Variants in CSMD1 observed in about 807,000 individuals in gnomAD.
CSMD1 encodes the protein CUB and Sushi multiple domains 1.
A neutral mutation model predicts 417.5 loss-of-function variants in CSMD1; 213 were observed. The observed-to-expected ratio is 0.51, with a 90% CI of 0.46 to 0.57. CSMD1 has a LOEUF of 0.57. Ranked by LOEUF, CSMD1 falls within the 20% of genes least tolerant of loss-of-function variation. CSMD1 has a pLI of 0.00. For synonymous variants in CSMD1, 2,862 were observed against 1,736.8 expected (o/e 1.65, Z -16.11); for missense variants, 6,923 against 4,529.7 (o/e 1.53, Z -15.17).
chr8:3,833,313 A>G (rs901952452), intron 5 of CSMD1, among the ~76,000 whole-genome samples: 3 of 152,082 alleles, frequency 2.0e-5, no homozygotes, highest in African/African-American at 7.2e-5. Context: ...TCAGATTTCT[A>G]TTCGGAAAAC....
chr8:4,484,763 A>G (rs943660450), intron 2 of CSMD1, among the ~76,000 whole-genome samples: 25 of 152,030 alleles, frequency 1.6e-4, no homozygotes, highest in African/African-American at 5.5e-4. Context: ...AGGTCAGGAG[A>G]TCGAGACCAT....
chr8:4,055,357 A>C (rs1414886955), intron 3 of CSMD1, among the ~76,000 whole-genome samples: 2 of 152,226 alleles, frequency 1.3e-5, no homozygotes, highest in East Asian at 1.9e-4. Flanking sequence ...TCCTTTTTAT[A>C]ATTATTGTAA....
At chr8:3,803,989 G>A (rs561629129) in intron 5 of CSMD1, among the ~76,000 whole-genome samples, 4 of 152,164 alleles carry the variant, frequency 2.6e-5, no homozygotes, top group African/African-American at 4.8e-5. Flanking sequence ...GTGCAATGGC[G>A]TGATCTCGGC....
chr8:3,095,769 C>A (rs10503190), intron 47 of CSMD1, among the ~76,000 whole-genome samples: 16,480 of 152,204 alleles, frequency 0.11, 1,191 homozygotes, highest in Non-Finnish European at 0.16. Flanking sequence ...ATTTTCTGGG[C>A]TATGACGGTT....
chr8:4,910,084 T>A (rs1805563214), intron 1 of CSMD1, among the ~76,000 whole-genome samples: 1 of 152,230 alleles, frequency 6.6e-6, no homozygotes, highest in Admixed American at 6.5e-5. Flanking sequence ...AAACCAGACT[T>A]TACTTAGGAC....
At chr8:3,783,304 A>G (rs1325637783) in intron 5 of CSMD1, among the ~76,000 whole-genome samples, 1 of 152,212 alleles carries the variant, frequency 6.6e-6, no homozygotes, top group African/African-American at 2.4e-5. Context: ...ACTGGGATGG[A>G]TGGGAAACAC....
intron 2 of CSMD1, among the ~76,000 whole-genome samples, chr8:4,595,931 G>C (rs1010983192): frequency 2.6e-5 from 4 of 151,938 alleles, no homozygotes; most frequent in East Asian, 1.9e-4. Context: ...TGTAAATCTT[G>C]CTCTTACTAA....
chr8:3,602,910 C>T (rs1279224089), intron 8 of CSMD1, among the ~76,000 whole-genome samples: 1 of 152,064 alleles, frequency 6.6e-6, no homozygotes, highest in South Asian at 2.1e-4. Flanking sequence ...AAGTAACAAT[C>T]ACCTATTTTC....
intron 3 of CSMD1, among the ~76,000 whole-genome samples, chr8:4,326,253 C>G (rs887765603): frequency 6.6e-6 from 1 of 152,182 alleles, no homozygotes; most frequent in African/African-American, 2.4e-5. Context: ...TGACCAAAGA[C>G]TGCAGATCAT....
At chr8:3,507,233 T>C (rs921110018) in intron 10 of CSMD1, among the ~76,000 whole-genome samples, 5 of 152,206 alleles carry the variant, frequency 3.3e-5, no homozygotes, top group Non-Finnish European at 5.9e-5. Context: ...ACCTATACAA[T>C]ATTTTTTTTG....
intron 3 of CSMD1, among the ~76,000 whole-genome samples, chr8:4,123,871 T>C (rs1257764916): frequency 6.6e-6 from 1 of 152,162 alleles, no homozygotes; most frequent in Non-Finnish European, 1.5e-5. Flanking sequence ...AGATACACAT[T>C]CCAGGGTTGT....
At chr8:3,873,412 A>T (rs1210353717) in intron 5 of CSMD1, among the ~76,000 whole-genome samples, 1 of 152,168 alleles carries the variant, frequency 6.6e-6, no homozygotes, top group East Asian at 1.9e-4. Flanking sequence ...AGGCACATGG[A>T]TGGAACTGGA....
rs532994701 is a variant in CSMD1 at position 3,562,035 on chromosome 8, A to G, written c.1344+12910T>C. On this transcript the variant is annotated intron_variant, in intron 10 of 69. Coordinates refer to ENST00000635120, the MANE Select transcript of CSMD1 (RefSeq NM_033225.6). Reference sequence around the variant, plus strand: ...AGGAGTCCTGACTTTACACATCACTACCACCCATCTCATAAAACACTCTGC... The same window carrying G: ...AGGAGTCCTGACTTTACACATCACTGCCACCCATCTCATAAAACACTCTGC... 1.2e-3 allele frequency among the ~76,000 whole-genome samples: 180 copies of G among 152,112 alleles called. 1 individual carries two copies. The highest frequency in any genetic ancestry group is 4.3e-3 in the African/African-American group (177 of 41,480).
At chr8:4,500,939 G>A (rs1304281444) in intron 2 of CSMD1, among the ~76,000 whole-genome samples, 1 of 152,026 alleles carries the variant, frequency 6.6e-6, no homozygotes, top group Non-Finnish European at 1.5e-5. Flanking sequence ...ACTTGAGAAC[G>A]AGTACCCTTG....
At chr8:3,480,733 C>T (rs1187911085) in intron 11 of CSMD1, among the ~76,000 whole-genome samples, 1 of 152,120 alleles carries the variant, frequency 6.6e-6, no homozygotes, top group Non-Finnish European at 1.5e-5. Context: ...CAATGATTTT[C>T]CCATTTGGGA....
intron 1 of CSMD1, among the ~76,000 whole-genome samples, chr8:4,925,733 G>C (rs959065230): frequency 2.6e-5 from 4 of 151,996 alleles, no homozygotes; most frequent in Non-Finnish European, 5.9e-5. Flanking sequence ...ATTTTTAGTA[G>C]AGACGGGGTT....
At chr8:3,677,315 C>A (rs1344987054) in intron 7 of CSMD1, among the ~76,000 whole-genome samples, 1 of 152,108 alleles carries the variant, frequency 6.6e-6, no homozygotes, top group Non-Finnish European at 1.5e-5. Context: ...AACAAAATGA[C>A]TTAATAACCA....
chr8:3,256,006 C>T (rs971698170), intron 26 of CSMD1, among the ~76,000 whole-genome samples: 3 of 152,130 alleles, frequency 2.0e-5, no homozygotes, highest in African/African-American at 7.2e-5. Flanking sequence ...GCCATCTTGG[C>T]TCCCATCCAA....
intron 57 of CSMD1, among the ~76,000 whole-genome samples, chr8:2,971,945 T>C (rs1804496637): frequency 6.6e-6 from 1 of 152,182 alleles, no homozygotes; most frequent in Admixed American, 6.5e-5. Flanking sequence ...GATTATCATG[T>C]TTGTGTGCAC....
Sources: allele counts gnomAD v4.1 joint callset (sites outside exome capture counted in the v4.1 genomes callset), GRCh38; gene constraint gnomAD v4.1.1; transcripts MANE v1.5; gene names NCBI Gene and HGNC (gene_info 2026-07-23, HGNC 2026-07-21).